Variants in MBOAT7 observed in about 807,000 individuals in gnomAD.
MBOAT7 encodes membrane bound acylglycerophosphatidylinositol O-acyltransferase MBOAT7.
A neutral mutation model predicts 47.4 loss-of-function variants in MBOAT7; 40 were observed. That is an observed-to-expected ratio of 0.84 (90% CI 0.66 to 1.10). The LOEUF (loss-of-function observed/expected upper bound fraction) is 1.10, where lower values mean the gene tolerates loss of function less well. Ranked by LOEUF, MBOAT7 falls within the 50% of genes least tolerant of loss-of-function variation. The pLI, the probability that MBOAT7 is intolerant of heterozygous loss-of-function variation, is 0.00. For missense variants in MBOAT7, 680 were observed against 655.6 expected, an observed-to-expected ratio of 1.04 and a Z score of -0.41; for synonymous variants, 361 against 292.0, an observed-to-expected ratio of 1.24 and a Z score of -2.41.
chr19:54,180,023 A>T lies in MBOAT7; in HGVS notation c.854+750T>A, dbSNP rs936254564. ...GCTATGGCCGTGCGACTTGCCTAGC[A>T]ATGCAGGTGCCGGGGGGTGGAGCCT... On this transcript the variant is annotated intron_variant, in intron 6 of 7. Coordinates refer to ENST00000245615, the MANE Select transcript of MBOAT7 (RefSeq NM_024298.5). The surrounding 1 kb of genome is among the most constrained non-coding windows in gnomAD (Gnocchi z 5.2). 2 of 152,250 alleles carry T rather than the reference A, an allele frequency of 1.3e-5. No individual in the cohort carries two copies. Among genetic ancestry groups the T allele is most frequent in the African/African-American group, 4.8e-5 (2 of 41,440 alleles). 9.4% of individuals were successfully genotyped at this position (152,250 alleles called of 1,614,324 possible). A position where few individuals can be genotyped will look rare whatever the true frequency, so the allele number is the denominator to read the frequency against.
chr19:54,176,449 TA>T (rs1283720452), intron 7 of MBOAT7, among the ~76,000 whole-genome samples: 3 of 151,910 alleles, frequency 2.0e-5, no homozygotes, highest in Non-Finnish European at 2.9e-5. Flanking sequence ...TCCCAGCTAC[TA>T]GGGGGGCTGA....
rs147721218 is a variant in MBOAT7, at chr19:54,176,337, A to G, written c.1032-1906T>C. On this transcript the variant is annotated intron_variant, in intron 7 of 7. Coordinates refer to ENST00000245615, the MANE Select transcript of MBOAT7 (RefSeq NM_024298.5). ...AGGACCATTGGCTTTCTGGTTCTTC[A>G]AGAGTGCGGAGGCTGGGTGCAATGG... Among the ~76,000 whole-genome samples, 69 of 152,110 alleles carry G rather than the reference A, an allele frequency of 4.5e-4. No individual in the cohort carries two copies. In the East Asian group the frequency reaches 7.6e-3, roughly 17 times the overall value.
intron 4 of MBOAT7, 142 bp from the exon 5 acceptor site, chr19:54,183,822 T>C: frequency 1.3e-6 from 1 of 792,176 alleles, no homozygotes; most frequent in South Asian, 2.3e-5. Context: ...GTAACGCCTC[T>C]AGCTGGGCGG....
intron 7 of MBOAT7, among the ~76,000 whole-genome samples, chr19:54,176,654 T>C (rs1415741121): frequency 2.6e-5 from 4 of 152,202 alleles, no homozygotes; most frequent in Admixed American, 2.6e-4. Context: ...GGGATTGCCA[T>C]GTGTCTCCTG....
intron 7 of MBOAT7, among the ~76,000 whole-genome samples, chr19:54,176,914 AAT>A (rs1375203311): frequency 6.6e-6 from 1 of 151,882 alleles, no homozygotes; most frequent in Admixed American, 6.6e-5. Flanking sequence ...GTAAAAAAAA[AAT>A]AATAATAATA....
intron 5 of MBOAT7, among the ~76,000 whole-genome samples, chr19:54,181,655 GAAGAAAGA>G: frequency 8.4e-6 from 1 of 118,712 alleles, no homozygotes. Flanking sequence ...GTGAAGAAGG[GAAGAAAGA>G]AGGGAGGGAA....
In MBOAT7 at chr19:54,178,758, C is replaced by G; in HGVS notation, c.1031+7G>C. 6.2e-7 allele frequency: 1 copy of G among 1,612,800 alleles called. No homozygotes were observed. On this transcript the variant is annotated splice_region_variant and intron_variant, in intron 7 of 7. Transcript: ENST00000245615. ...AGTGTCACCTGAGACTGGGCGGGCTCACTCACCGCAGGACATAGGAACGGG... is the reference window on the plus strand; with the variant it reads ...AGTGTCACCTGAGACTGGGCGGGCTGACTCACCGCAGGACATAGGAACGGG...
Position 54,173,912 on chromosome 19 carries a change from A to T in MBOAT7, c.*132T>A. 1 of 1,140,872 alleles carries T rather than the reference A, an allele frequency of 8.8e-7. No homozygotes were observed. The highest frequency in any genetic ancestry group is 1.2e-6 in the Non-Finnish European group (1 of 835,846). 70.7% of individuals were successfully genotyped at this position (1,140,872 alleles called of 1,614,324 possible). On this transcript the variant is annotated 3_prime_UTR_variant, in exon 8 of 8. Transcript: ENST00000245615. Reference sequence around the variant, plus strand: ...CCCCGGGTCTGCTTCAGTTGCAGGCAGGGTATTTAGCTGGGGAAGAGGAAA... The same window carrying T: ...CCCCGGGTCTGCTTCAGTTGCAGGCTGGGTATTTAGCTGGGGAAGAGGAAA...
chr19:54,174,753 A>G lies in MBOAT7; in HGVS notation c.1032-322T>C, dbSNP rs1004051937. ...CCCACCTCCCTCCTCCCTCAGATCC[A>G]GGAGACCAGGCCCCAGGCCCTCCCC... On this transcript the variant is annotated intron_variant, in intron 7 of 7. Transcript: ENST00000245615. Among the ~76,000 whole-genome samples the G allele has an allele frequency of 2.6e-5, 4 of 151,702 alleles. No homozygotes were observed. In the South Asian group the frequency reaches 6.3e-4, roughly 24 times the overall value.
At chr19:54,186,574 G>A (rs1600674246) in intron 4 of MBOAT7, among the ~76,000 whole-genome samples, 1 of 152,160 alleles carries the variant, frequency 6.6e-6, no homozygotes, top group East Asian at 1.9e-4. Flanking sequence ...GCTCCTCCAC[G>A]AACCCCTCTC....
At chr19:54,178,278 G>A (rs896145506) in intron 7 of MBOAT7, 1 of 998,312 alleles carries the variant, frequency 1.0e-6, no homozygotes, top group Non-Finnish European at 1.2e-6. Context: ...AGAAATATTG[G>A]AAGAATGAAA....
At chr19:54,182,554 A>G (rs1173515471) in intron 5 of MBOAT7, among the ~76,000 whole-genome samples, 3 of 151,480 alleles carry the variant, frequency 2.0e-5, no homozygotes, top group African/African-American at 7.3e-5. Flanking sequence ...TTTTAAGTGG[A>G]TGAGTATGTG....
In MBOAT7 at chr19:54,180,583, T is replaced by C. The variant is rs2076233622; in HGVS notation, c.854+190A>G. Reference sequence around the variant, plus strand: ...ACAAGCGCTAGCAACAAGGGGCATCTGTCAGTACCAGGGATCTTTTCCCTA... The same window carrying C: ...ACAAGCGCTAGCAACAAGGGGCATCCGTCAGTACCAGGGATCTTTTCCCTA... On this transcript the variant is annotated intron_variant, in intron 6 of 7. Coordinates refer to ENST00000245615, the MANE Select transcript of MBOAT7 (RefSeq NM_024298.5). The surrounding 1 kb of genome is among the most constrained non-coding windows in gnomAD (Gnocchi z 5.2). 1 of 589,240 alleles carries C rather than the reference T, an allele frequency of 1.7e-6. No individual in the cohort carries two copies. Among genetic ancestry groups the C allele is most frequent in the African/African-American group, 1.9e-5 (1 of 51,850 alleles). The allele number at this position is 589,240 out of a possible 1,614,324, so 36.5% of individuals were successfully genotyped here. A position where few individuals can be genotyped will look rare whatever the true frequency, so the allele number is the denominator to read the frequency against.
rs146777664 is a variant in MBOAT7, at chr19:54,178,911, G to A, written c.885C>T (p.Asp295=). The part of the protein sequence containing the change: ...SPEKAASLEY[D]YETIRNIDCY... ...AGTCGATGTTGCGGATGGTCTCATA[G>A]TCATACTCCAAGGAAGCCGCCTTCT... Residue 295 remains aspartate (D), a synonymous_variant, in exon 7 of 8, where the codon GAC becomes GAT. Transcript: ENST00000245615. The A allele has an allele frequency of 4.9e-4, 797 of 1,613,322 alleles. No individual in the cohort carries two copies. The highest frequency in any genetic ancestry group is 6.2e-4 in the Non-Finnish European group (728 of 1,179,984).
chr19:54,175,028 T>C (rs949215721), intron 7 of MBOAT7, among the ~76,000 whole-genome samples: 8 of 145,244 alleles, frequency 5.5e-5, no homozygotes, highest in Non-Finnish European at 1.2e-4. Flanking sequence ...CAGGCTAGAG[T>C]GCAGTGGCGC....
chr19:54,181,917 A>G (rs879075902), intron 5 of MBOAT7, among the ~76,000 whole-genome samples: 51 of 4,462 alleles, frequency 0.011, 1 homozygote, highest in Admixed American at 0.015. Flanking sequence ...GAAGGAGGGA[A>G]GGAGGGAGGG....
intron 3 of MBOAT7, 136 bp downstream of exon 3, chr19:54,188,081 A>T (rs1011401603): frequency 5.4e-6 from 4 of 742,770 alleles, no homozygotes; most frequent in Admixed American, 2.9e-5. Flanking sequence ...CAAACAAACA[A>T]ACATGAAACA....
chr19:54,187,091 G>A (rs1047205399), intron 4 of MBOAT7, 70 bp downstream of exon 4: 2 of 1,495,070 alleles, frequency 1.3e-6, no homozygotes, highest in Admixed American at 2.2e-5. Flanking sequence ...GCCACTGAAG[G>A]GGGAGGTAAA....
intron 3 of MBOAT7, among the ~76,000 whole-genome samples, chr19:54,187,644 GTCCACCTCTC>G (rs2076467096): frequency 6.6e-6 from 1 of 152,174 alleles, no homozygotes; most frequent in African/African-American, 2.4e-5. Context: ...CAGACACACT[GTCCACCTCTC>G]TCCATGACAT....
Sources: allele counts gnomAD v4.1 joint callset (sites outside exome capture counted in the v4.1 genomes callset), GRCh38; gene constraint gnomAD v4.1.1; non-coding constraint Gnocchi (gnomAD v3.1); transcripts MANE v1.5; gene names NCBI Gene and HGNC (gene_info 2026-07-23, HGNC 2026-07-21).